The following TMC1 variants were observed in gnomAD, a reference collection of about 807,000 sequenced individuals.
TMC1 encodes the protein transmembrane channel-like protein 1.
In TMC1, 84 loss-of-function variants were observed where a neutral mutation model predicts 105.8. The ratio of observed to expected loss-of-function variants is 0.79; its 90% CI spans 0.67 to 0.95. The LOEUF (loss-of-function observed/expected upper bound fraction) is 0.95. Ranked by LOEUF, TMC1 falls within the 40% of genes least tolerant of loss-of-function variation. The pLI is 0.00. For missense variants in TMC1, 817 were observed against 914.1 expected (o/e 0.89, Z 1.37); for synonymous variants, 315 against 311.5 (o/e 1.01, Z -0.12).
In TMC1 at chr9:72,581,366, C is replaced by T. The variant is rs143621149; in HGVS notation, c.-306+3343C>T. 5.0e-3 allele frequency among the ~76,000 whole-genome samples: 754 copies of T among 152,284 alleles called. 3 individuals carry two copies. The highest frequency in any genetic ancestry group is 0.016 in the African/African-American group (663 of 41,570). On this transcript the variant is annotated intron_variant, in intron 2 of 23. Coordinates refer to ENST00000297784, the MANE Select transcript of TMC1 (RefSeq NM_138691.3). ...TTCATGAATAAATATCAGGTTGTATCTCTGGCCATCTGTGATGATCACGTT... is the reference window on the plus strand; with the variant it reads ...TTCATGAATAAATATCAGGTTGTATTTCTGGCCATCTGTGATGATCACGTT...
chr9:72,543,062 AAAG>A (rs912037556), intron 1 of TMC1, among the ~76,000 whole-genome samples: 17 of 152,278 alleles, frequency 1.1e-4, no homozygotes, highest in Admixed American at 7.8e-4. Context: ...TTTTTTAAAA[AAAG>A]AAGGTGTCAT....
intron 5 of TMC1, among the ~76,000 whole-genome samples, chr9:72,688,055 G>T (rs1238672011): frequency 1.3e-5 from 2 of 152,084 alleles, no homozygotes; most frequent in Non-Finnish European, 2.9e-5. Flanking sequence ...AGAAGATGCT[G>T]TATGTGTTAT....
intron 1 of TMC1, among the ~76,000 whole-genome samples, chr9:72,567,175 G>A (rs1006656554): frequency 2.0e-5 from 3 of 152,170 alleles, no homozygotes; most frequent in African/African-American, 7.2e-5. Context: ...ACATTTTCCT[G>A]ACTCCTCGTT....
intron 8 of TMC1, among the ~76,000 whole-genome samples, chr9:72,733,042 C>T (rs1306372939): frequency 6.6e-6 from 1 of 152,144 alleles, no homozygotes; most frequent in Non-Finnish European, 1.5e-5. Context: ...GGATTCAAAC[C>T]CCTGTCCCAA....
intron 5 of TMC1, among the ~76,000 whole-genome samples, chr9:72,663,569 G>A (rs1377001120): frequency 6.6e-6 from 1 of 152,152 alleles, no homozygotes; most frequent in Non-Finnish European, 1.5e-5. Flanking sequence ...GCAGCTTGGA[G>A]GTTAGAAACA....
chr9:72,724,552 CAG>C (rs1256310442), intron 8 of TMC1, among the ~76,000 whole-genome samples: 1 of 142,698 alleles, frequency 7.0e-6, no homozygotes, highest in Non-Finnish European at 1.5e-5. Flanking sequence ...TTCAAATAAA[CAG>C]GGATTTTTTT....
intron 12 of TMC1, among the ~76,000 whole-genome samples, chr9:72,755,275 A>G (rs1044867705): frequency 2.0e-5 from 3 of 152,184 alleles, no homozygotes; most frequent in African/African-American, 7.2e-5. Flanking sequence ...TTTGGAAAAG[A>G]ATAAAGGAAG....
intron 1 of TMC1, among the ~76,000 whole-genome samples, chr9:72,576,035 T>C (rs1410123888): frequency 6.6e-6 from 1 of 152,134 alleles, no homozygotes; most frequent in South Asian, 2.1e-4. Flanking sequence ...TTGATGGTAA[T>C]GTCTGCAGAA....
intron 7 of TMC1, among the ~76,000 whole-genome samples, chr9:72,696,656 G>T (rs1331691349): frequency 6.6e-6 from 1 of 152,044 alleles, no homozygotes; most frequent in East Asian, 1.9e-4. Context: ...TAAAACCAAG[G>T]TTGTAATGCT....
At position 72,653,440 on chromosome 9, in the gene TMC1, A is replaced by C. The variant is rs76719633; in HGVS notation, c.16+4776A>C. Among the ~76,000 whole-genome samples, 113 of 152,294 alleles carry C rather than the reference A, an allele frequency of 7.4e-4. No homozygotes were observed. In the East Asian group the frequency reaches 0.021, roughly 29 times the overall value. Reference sequence around the variant, plus strand: ...GACATCAACAGGTGAATAGACACACAAAAAACCTATGAAACTTACATACCA... The same window carrying C: ...GACATCAACAGGTGAATAGACACACCAAAAACCTATGAAACTTACATACCA... On this transcript the variant is annotated intron_variant, in intron 5 of 23. Transcript: ENST00000297784.
At chr9:72,724,052 G>C (rs1335947257) in intron 8 of TMC1, among the ~76,000 whole-genome samples, 1 of 152,272 alleles carries the variant, frequency 6.6e-6, no homozygotes, top group Middle Eastern at 3.4e-3. Flanking sequence ...TGGAAAAAAT[G>C]GGTCTAAAAT....
intron 6 of TMC1, among the ~76,000 whole-genome samples, chr9:72,691,152 T>G (rs1376771793): frequency 6.6e-6 from 1 of 152,202 alleles, no homozygotes; most frequent in Non-Finnish European, 1.5e-5. Flanking sequence ...TGTGTTCAGT[T>G]ATTGTCTTGT....
intron 5 of TMC1, among the ~76,000 whole-genome samples, chr9:72,658,080 T>C (rs962066325): frequency 1.2e-4 from 18 of 152,302 alleles, no homozygotes; most frequent in African/African-American, 4.1e-4. Context: ...GCTGTGTACT[T>C]TTAATTTTAA....
intron 13 of TMC1, among the ~76,000 whole-genome samples, chr9:72,779,341 A>T (rs1828055498): frequency 6.6e-6 from 1 of 152,222 alleles, no homozygotes; most frequent in African/African-American, 2.4e-5. Flanking sequence ...AACTGGGGCA[A>T]CTCAAAAAGC....
chr9:72,794,493 C>G lies in TMC1; in HGVS notation c.1566+2141C>G, dbSNP rs148103510. ...AGTGCCACCTACTGGATCACATTCC[C>G]CAAAGCATCAACACCAAAAATATCT... On this transcript the variant is annotated intron_variant, in intron 17 of 23. Coordinates refer to ENST00000297784, the MANE Select transcript of TMC1 (RefSeq NM_138691.3). 6.2e-4 allele frequency among the ~76,000 whole-genome samples: 95 copies of G among 152,230 alleles called. 2 individuals carry two copies. In the East Asian group the frequency reaches 0.016, roughly 26 times the overall value.
At chr9:72,570,844 A>G (rs1301237421) in intron 1 of TMC1, among the ~76,000 whole-genome samples, 3 of 148,886 alleles carry the variant, frequency 2.0e-5, no homozygotes, top group African/African-American at 7.4e-5. Context: ...ACTCACCACC[A>G]TGCTTGGCTA....
chr9:72,769,836 T>C (rs1827896723), intron 12 of TMC1, among the ~76,000 whole-genome samples: 1 of 152,218 alleles, frequency 6.6e-6, no homozygotes, highest in Admixed American at 6.5e-5. Flanking sequence ...GTTGTGGTGT[T>C]GTCCCATGAG....
At chr9:72,821,986 T>G (rs1828882829) in intron 20 of TMC1, among the ~76,000 whole-genome samples, 1 of 152,204 alleles carries the variant, frequency 6.6e-6, no homozygotes, top group Non-Finnish European at 1.5e-5. Context: ...CTAATTATCA[T>G]TCAAGTCAGG....
rs1663742 is a variant in TMC1, at chr9:72,694,227, G to A, written c.65-316G>A. On this transcript the variant is annotated intron_variant, in intron 6 of 23. Coordinates refer to ENST00000297784, the MANE Select transcript of TMC1 (RefSeq NM_138691.3). ...TATTTGAATGGTCTTAGAGGTCATG[G>A]TATGATATTAACCACCAAGCTATTT... Among the ~76,000 whole-genome samples the A allele has an allele frequency of 0.51, 77,893 of 151,970 alleles. 21,287 individuals carry two copies. Among genetic ancestry groups the A allele is most frequent in the African/African-American group, 0.73 (30,097 of 41,476 alleles).
Sources: allele counts gnomAD v4.1 joint callset (sites outside exome capture counted in the v4.1 genomes callset), GRCh38; gene constraint gnomAD v4.1.1; transcripts MANE v1.5; gene names NCBI Gene and HGNC (gene_info 2026-07-23, HGNC 2026-07-21).